The following EXTL3 variants were observed in gnomAD, a reference collection of about 807,000 sequenced individuals.
EXTL3 encodes exostosin-like 3.
In EXTL3, 27 loss-of-function variants were observed where a neutral mutation model predicts 69.3. The observed-to-expected ratio is 0.39, with a 90% CI of 0.29 to 0.54. The LOEUF (loss-of-function observed/expected upper bound fraction) is 0.54, where lower values mean the gene tolerates loss of function less well. Among genes scored for constraint, EXTL3 ranks in the 20% least tolerant of loss-of-function variants. The pLI is 0.69. For synonymous variants in EXTL3, 511 were observed against 499.4 expected (o/e 1.02, Z -0.31); for missense variants, 1,003 against 1,231.8 (o/e 0.81, Z 2.78).
chr8:28,732,279 G>C (rs902541826), intron 4 of EXTL3, among the ~76,000 whole-genome samples: 7 of 152,198 alleles, frequency 4.6e-5, no homozygotes, highest in African/African-American at 7.2e-5. Context: ...TGTTAATGGT[G>C]AGGTAAGTAC....
intron 1 of EXTL3, among the ~76,000 whole-genome samples, chr8:28,688,677 A>G (rs1800565939): frequency 6.6e-6 from 1 of 152,204 alleles, no homozygotes; most frequent in Non-Finnish European, 1.5e-5. Flanking sequence ...GAGCTGAGTT[A>G]TTCTCTTATT....
At chr8:28,655,701 C>G (rs1325529894) in intron 1 of EXTL3, among the ~76,000 whole-genome samples, 1 of 151,992 alleles carries the variant, frequency 6.6e-6, no homozygotes, top group African/African-American at 2.4e-5. Flanking sequence ...GCTATGTTTC[C>G]TAGGCTTGTC....
chr8:28,728,631 T>C (rs1801464428), intron 3 of EXTL3, among the ~76,000 whole-genome samples: 1 of 152,140 alleles, frequency 6.6e-6, no homozygotes, highest in African/African-American at 2.4e-5. Flanking sequence ...CCTGTAATCC[T>C]GTCACTTTTT....
intron 1 of EXTL3, among the ~76,000 whole-genome samples, chr8:28,662,274 A>G (rs934674253): frequency 6.6e-5 from 10 of 151,988 alleles, no homozygotes; most frequent in African/African-American, 2.4e-4. Flanking sequence ...TTTTCCTCAC[A>G]TATATTTTTA....
chr8:28,703,225 C>G (rs1402945267), intron 1 of EXTL3, among the ~76,000 whole-genome samples: 2 of 152,056 alleles, frequency 1.3e-5, no homozygotes, highest in Non-Finnish European at 2.9e-5. Flanking sequence ...GCTTAATGTC[C>G]AGAGATGTGA....
intron 1 of EXTL3, among the ~76,000 whole-genome samples, chr8:28,706,113 C>CACACTTTG (rs1180998040): frequency 6.6e-6 from 1 of 152,176 alleles, no homozygotes; most frequent in African/African-American, 2.4e-5. Flanking sequence ...CAGTGACAGT[C>CACACTTTG]ACACTTTGTT....
At position 28,610,505 on chromosome 8, in the gene EXTL3, G is replaced by A. The variant is rs73232985; in HGVS notation, n.314+2747G>A. On this transcript the variant is annotated intron_variant and non_coding_transcript_variant, in intron 2 of 4. Coordinates refer to the EXTL3 transcript ENST00000522725. ...ACCAGAGGAAAAAGGGATGAACTGG[G>A]ATCCCAGAGCCCAGGCACTGAGGAC... 4.8e-3 allele frequency among the ~76,000 whole-genome samples: 723 copies of A among 152,182 alleles called. 2 individuals are homozygous for A. The highest frequency in any genetic ancestry group is 0.01 in the Middle Eastern group (3 of 294).
At chr8:28,713,435 T>C in intron 1 of EXTL3, 22 bp from the exon 2 acceptor site, 1 of 674,288 alleles carries the variant, frequency 1.5e-6, no homozygotes, top group South Asian at 1.6e-5. Flanking sequence ...ATTTTTGTTT[T>C]TTGTTTTTTT....
chr8:28,679,126 A>G (rs566025439), intron 1 of EXTL3, among the ~76,000 whole-genome samples: 3 of 152,138 alleles, frequency 2.0e-5, no homozygotes, highest in Non-Finnish European at 4.4e-5. Flanking sequence ...CCAAAGGGTC[A>G]TTTTCTATTC....
chr8:28,715,147 G>A (rs1801113835), intron 2 of EXTL3, among the ~76,000 whole-genome samples: 1 of 152,098 alleles, frequency 6.6e-6, no homozygotes, highest in African/African-American at 2.4e-5. Flanking sequence ...TTTTTGTAAA[G>A]TATTTCCAAA....
intron 1 of EXTL3, chr8:28,685,890 AGTCTT>A (rs916097720): frequency 1.4e-4 from 21 of 151,008 alleles, no homozygotes; most frequent in African/African-American, 4.6e-4. Flanking sequence ...CTTGAGACAG[AGTCTT>A]GTCTTGTCAC....
chr8:28,702,871 T>C (rs1260112550), intron 1 of EXTL3, among the ~76,000 whole-genome samples: 1 of 152,194 alleles, frequency 6.6e-6, no homozygotes, highest in African/African-American at 2.4e-5. Flanking sequence ...TCTGCAGTTT[T>C]CTGTATTTTG....
At chr8:28,660,551 T>A (rs1807091493) in intron 1 of EXTL3, among the ~76,000 whole-genome samples, 1 of 152,144 alleles carries the variant, frequency 6.6e-6, no homozygotes, top group African/African-American at 2.4e-5. Context: ...AAAATATACA[T>A]AACACAATTT....
chr8:28,661,060 C>T (rs1807105612), intron 1 of EXTL3, among the ~76,000 whole-genome samples: 2 of 151,454 alleles, frequency 1.3e-5, no homozygotes, highest in East Asian at 1.9e-4. Flanking sequence ...ACTACAGGTG[C>T]CTGCCACCAC....
chr8:28,685,477 CAT>C (rs913581700), intron 1 of EXTL3, among the ~76,000 whole-genome samples: 6 of 148,790 alleles, frequency 4.0e-5, no homozygotes, highest in Admixed American at 2.7e-4. Flanking sequence ...ATTTTTAAAA[CAT>C]AGGCTAGTTG....
intron 1 of EXTL3, among the ~76,000 whole-genome samples, chr8:28,671,900 G>C (rs1022612251): frequency 6.6e-6 from 1 of 152,162 alleles, no homozygotes; most frequent in Non-Finnish European, 1.5e-5. Context: ...ACTCATTTGG[G>C]AGGCTAAGGC....
intron 1 of EXTL3, among the ~76,000 whole-genome samples, chr8:28,685,482 G>C (rs1304432399): frequency 6.7e-6 from 1 of 150,308 alleles, no homozygotes; most frequent in Non-Finnish European, 1.5e-5. Context: ...TAAAACATAG[G>C]CTAGTTGTTT....
At chr8:28,697,199 T>C (rs1800698385), upstream of EXTL3, 1 of 152,128 alleles carries the variant, frequency 6.6e-6, no homozygotes, top group South Asian at 2.1e-4. Flanking sequence ...AACTATTTGC[T>C]GATTGAATGA....
chr8:28,624,443 G>A (rs1288376570), intron 1 of EXTL3, among the ~76,000 whole-genome samples: 1 of 152,070 alleles, frequency 6.6e-6, no homozygotes, highest in Non-Finnish European at 1.5e-5. Context: ...AGCACCTGTG[G>A]TCTCAGCTAC....
Sources: allele counts gnomAD v4.1 joint callset (sites outside exome capture counted in the v4.1 genomes callset), GRCh38; gene constraint gnomAD v4.1.1; transcripts MANE v1.5; gene names NCBI Gene and HGNC (gene_info 2026-07-23, HGNC 2026-07-21).